SCFD2: variants seen among roughly 807,000 people sequenced by gnomAD.
SCFD2 encodes sec1 family domain containing 2, also known as sec1 family domain-containing protein 2.
A neutral mutation model predicts 58.9 loss-of-function variants in SCFD2; 54 were observed. The observed-to-expected ratio is 0.92, with a 90% CI of 0.74 to 1.15. The LOEUF is 1.15. Ranked by LOEUF, SCFD2 falls within the 50% of genes most tolerant of loss-of-function variation. The pLI is 0.00. For missense variants in SCFD2, 805 were observed against 836.6 expected, an observed-to-expected ratio of 0.96 and a Z score of 0.47; for synonymous variants, 321 against 335.9, an observed-to-expected ratio of 0.96 and a Z score of 0.49.
chr4:52,975,681 C>T (rs1177511589), intron 5 of SCFD2, among the ~76,000 whole-genome samples: 1 of 151,976 alleles, frequency 6.6e-6, no homozygotes, highest in Non-Finnish European at 1.5e-5. Context: ...GGGTATATAC[C>T]CAAAGGATTA....
intron 5 of SCFD2, among the ~76,000 whole-genome samples, chr4:53,032,858 C>A (rs891896089): frequency 5.3e-5 from 8 of 152,074 alleles, no homozygotes; most frequent in Non-Finnish European, 1.2e-4. Context: ...GACTCCCACA[C>A]AATAATAGTA....
intron 5 of SCFD2, among the ~76,000 whole-genome samples, chr4:53,029,217 C>A (rs1231552972): frequency 6.6e-6 from 1 of 151,582 alleles, no homozygotes; most frequent in Non-Finnish European, 1.5e-5. Flanking sequence ...TTATGCCAAT[C>A]TTCATCTTTG....
At chr4:53,057,287 TA>T (rs1188180888) in intron 5 of SCFD2, among the ~76,000 whole-genome samples, 3 of 152,010 alleles carry the variant, frequency 2.0e-5, no homozygotes, top group Non-Finnish European at 4.4e-5. Flanking sequence ...AGACTGGATT[TA>T]AAAAATGTGG....
intron 2 of SCFD2, among the ~76,000 whole-genome samples, chr4:53,346,576 G>A (rs538196735): frequency 1.1e-4 from 17 of 152,152 alleles, no homozygotes; most frequent in African/African-American, 3.4e-4. Context: ...CCCCAGCCTT[G>A]GCCTCAAGTC....
chr4:53,326,610 G>A (rs1265033143), intron 2 of SCFD2, among the ~76,000 whole-genome samples: 5 of 151,968 alleles, frequency 3.3e-5, no homozygotes, highest in South Asian at 2.1e-4. Flanking sequence ...CACCATCACC[G>A]CTCCTATTTA....
At chr4:53,089,768 C>T (rs938865727) in intron 5 of SCFD2, among the ~76,000 whole-genome samples, 15 of 152,112 alleles carry the variant, frequency 9.9e-5, no homozygotes, top group African/African-American at 3.4e-4. Flanking sequence ...CTAGATGTCC[C>T]GTTTGTAGAA....
intron 4 of SCFD2, among the ~76,000 whole-genome samples, chr4:53,266,511 A>G (rs1364325501): frequency 6.6e-6 from 1 of 152,182 alleles, no homozygotes; most frequent in Admixed American, 6.5e-5. Flanking sequence ...TAGATACTTT[A>G]TTTCTCTTTA....
At chr4:53,034,760 C>A (rs945090468) in intron 5 of SCFD2, among the ~76,000 whole-genome samples, 2 of 152,164 alleles carry the variant, frequency 1.3e-5, no homozygotes, top group Non-Finnish European at 2.9e-5. Flanking sequence ...AGGAATCCAA[C>A]TTACAAGGGA....
intron 5 of SCFD2, among the ~76,000 whole-genome samples, chr4:52,921,452 C>A (rs1719733515): frequency 6.6e-6 from 1 of 152,046 alleles, no homozygotes. Context: ...AGAACGTATT[C>A]TCTGTTTTGT....
chr4:53,209,544 T>C (rs1728538375), intron 4 of SCFD2, among the ~76,000 whole-genome samples: 1 of 152,160 alleles, frequency 6.6e-6, no homozygotes, highest in Non-Finnish European at 1.5e-5. Context: ...AATTTCATTA[T>C]ACAGTATAGC....
chr4:53,351,717 A>C (rs1233008372), intron 2 of SCFD2, among the ~76,000 whole-genome samples: 1 of 152,192 alleles, frequency 6.6e-6, no homozygotes, highest in East Asian at 1.9e-4. Flanking sequence ...AAAGTCTAGA[A>C]CTTCCCATTT....
intron 3 of SCFD2, among the ~76,000 whole-genome samples, chr4:53,295,987 T>A (rs1316651404): frequency 6.6e-6 from 1 of 152,156 alleles, no homozygotes; most frequent in Non-Finnish European, 1.5e-5. Flanking sequence ...GGGATGAAGC[T>A]GGCTTGATCA....
chr4:53,307,993 G>T (rs1427065677), intron 3 of SCFD2, among the ~76,000 whole-genome samples: 6 of 152,188 alleles, frequency 3.9e-5, no homozygotes, highest in Non-Finnish European at 7.3e-5. Flanking sequence ...CAGGGATCCA[G>T]CTGGGCAAGC....
chr4:53,159,117 G>T (rs190437520), intron 4 of SCFD2, among the ~76,000 whole-genome samples: 1 of 151,930 alleles, frequency 6.6e-6, no homozygotes, highest in African/African-American at 2.4e-5. Context: ...ACCTAGCTCC[G>T]CCCTTTGAAT....
chr4:53,211,208 C>T (rs894253137), intron 4 of SCFD2, among the ~76,000 whole-genome samples: 13 of 150,980 alleles, frequency 8.6e-5, no homozygotes, highest in Admixed American at 5.3e-4. Context: ...GCACCACTGC[C>T]CTCCAGCCTG....
chr4:52,891,201 T>A (rs148742377), intron 7 of SCFD2, among the ~76,000 whole-genome samples: 1 of 152,090 alleles, frequency 6.6e-6, no homozygotes, highest in Non-Finnish European at 1.5e-5. Context: ...TATTCATCCA[T>A]TCAACAAATA....
chr4:53,082,654 C>T (rs143398107), intron 5 of SCFD2, among the ~76,000 whole-genome samples: 1 of 152,186 alleles, frequency 6.6e-6, no homozygotes, highest in African/African-American at 2.4e-5. Context: ...CCCTCACACA[C>T]AGGGGTGACC....
chr4:52,978,954 T>A (rs1009667796), intron 5 of SCFD2, among the ~76,000 whole-genome samples: 4 of 152,022 alleles, frequency 2.6e-5, no homozygotes, highest in African/African-American at 9.7e-5. Flanking sequence ...AGAGATGGGG[T>A]CTTGCTATCT....
chr4:53,269,238 T>C (rs1449522604), intron 4 of SCFD2, among the ~76,000 whole-genome samples: 1 of 152,084 alleles, frequency 6.6e-6, no homozygotes, highest in East Asian at 1.9e-4. Flanking sequence ...GGTGGGAGGA[T>C]CACTTGAGCC....
Sources: gnomAD v4.1 joint callset for allele counts (sites outside exome capture counted in the v4.1 genomes callset) on GRCh38, gnomAD v4.1.1 for gene constraint, MANE v1.5 for transcripts, NCBI Gene and HGNC (gene_info 2026-07-23, HGNC 2026-07-21) for gene names.